ZHX2: variants seen among roughly 807,000 people sequenced by gnomAD.
ZHX2 encodes the protein zinc fingers and homeoboxes protein 2.
ZHX2 carries 6 observed loss-of-function variants against 21.9 expected under a neutral mutation model. The ratio of observed to expected loss-of-function variants is 0.27; its 90% CI spans 0.15 to 0.54. The LOEUF is 0.54. Ranked by LOEUF, ZHX2 falls within the 20% of genes least tolerant of loss-of-function variation. ZHX2 has a pLI of 0.95. For missense variants in ZHX2, 908 were observed against 1,090.7 expected (o/e 0.83, Z 2.36); for synonymous variants, 434 against 437.1 (o/e 0.99, Z 0.09).
At chr8:122,904,902 A>G (rs1820310645) in intron 2 of ZHX2, among the ~76,000 whole-genome samples, 1 of 152,242 alleles carries the variant, frequency 6.6e-6, no homozygotes, top group Admixed American at 6.5e-5. Flanking sequence ...ATAAGCAAAT[A>G]TAAACATGCT....
chr8:122,968,359 G>A (rs1017656495), intron 3 of ZHX2, among the ~76,000 whole-genome samples: 3 of 152,108 alleles, frequency 2.0e-5, no homozygotes, highest in Non-Finnish European at 2.9e-5. Flanking sequence ...GAGCTTTGGC[G>A]GGATGTGGCC....
rs543468232 is a variant in ZHX2, at chr8:122,818,460, G to T, written c.-283+36514G>T. Among the ~76,000 whole-genome samples, 6 of 152,156 alleles carry T rather than the reference G, an allele frequency of 3.9e-5. No homozygotes were observed. In the South Asian group the frequency reaches 1.2e-3, roughly 32 times the overall value. On this transcript the variant is annotated intron_variant, in intron 1 of 3. Transcript: ENST00000314393. ...GTCACCTCCCTTTGCTGCCATTTGA[G>T]AGCTGATCGATGCTGGACCCGCTCC...
chr8:122,786,302 C>T (rs372427964), intron 1 of ZHX2, among the ~76,000 whole-genome samples: 1 of 152,174 alleles, frequency 6.6e-6, no homozygotes. Context: ...TTGGCCATGA[C>T]CTTCACCATT....
intron 2 of ZHX2, among the ~76,000 whole-genome samples, chr8:122,913,165 G>A (rs1043561824): frequency 2.6e-5 from 4 of 152,146 alleles, no homozygotes; most frequent in African/African-American, 9.7e-5. Context: ...TAGCGTAGTG[G>A]TTTTAAGGTT....
intron 1 of ZHX2, among the ~76,000 whole-genome samples, chr8:122,792,502 T>C (rs1817535730): frequency 6.6e-6 from 1 of 152,230 alleles, no homozygotes; most frequent in Non-Finnish European, 1.5e-5. Flanking sequence ...GTGGAATTGC[T>C]GGGTTGTATA....
intron 2 of ZHX2, among the ~76,000 whole-genome samples, chr8:122,875,129 T>TTATATATA (rs71310631): frequency 9.8e-5 from 1 of 10,244 alleles, no homozygotes; most frequent in Non-Finnish European, 1.9e-4. Context: ...GAAAACTCTG[T>TTATATATA]TATATATATA....
At chr8:122,826,692 G>T (rs997554154) in intron 1 of ZHX2, among the ~76,000 whole-genome samples, 1 of 152,164 alleles carries the variant, frequency 6.6e-6, no homozygotes, top group Non-Finnish European at 1.5e-5. Flanking sequence ...AGGTCTGTGT[G>T]TAAGGGGCGA....
At chr8:122,834,749 G>T (rs1440399476) in intron 1 of ZHX2, among the ~76,000 whole-genome samples, 2 of 152,164 alleles carry the variant, frequency 1.3e-5, no homozygotes, top group Non-Finnish European at 1.5e-5. Context: ...GTCTAGGTTG[G>T]TATATTTTTT....
intron 2 of ZHX2, among the ~76,000 whole-genome samples, chr8:122,926,367 C>T (rs959212243): frequency 1.1e-4 from 16 of 152,212 alleles, no homozygotes; most frequent in African/African-American, 3.9e-4. Flanking sequence ...TGTGTGGTTC[C>T]TTAATTAAAG....
chr8:122,911,449 C>T (rs1345698474), intron 2 of ZHX2, among the ~76,000 whole-genome samples: 3 of 152,130 alleles, frequency 2.0e-5, no homozygotes, highest in Non-Finnish European at 4.4e-5. Context: ...CTACTTTCCA[C>T]CTGGGGCCGG....
chr8:122,952,981 C>A lies in ZHX2; in HGVS notation c.1471C>A (p.Arg491=), dbSNP rs759467471. 25 of 1,613,876 alleles carry A rather than the reference C, an allele frequency of 1.5e-5. No homozygotes were observed. The African/African-American group carries it at 2.8e-4, about 18-fold the overall frequency. Residue 491 remains arginine (R), a synonymous_variant, in exon 3 of 4, where the codon CGA becomes AGA. Coordinates refer to ENST00000314393, the MANE Select transcript of ZHX2 (RefSeq NM_014943.5). The surrounding 1 kb of genome is among the most constrained non-coding windows in gnomAD (Gnocchi z 6.9). The stretch of plus-strand genomic sequence containing the variant: ...GATCAAGAAGTGGTTCAGTGACCAC[C>A]GATATCGGTGTCAAAGGGGCATCGT... ...SEIKKWFSDH[R]YRCQRGIVHI...
intron 2 of ZHX2, among the ~76,000 whole-genome samples, chr8:122,945,436 C>CAAAAAAAAAAAAAAAAAAAAA (rs60890533): frequency 5.4e-5 from 4 of 73,672 alleles, no homozygotes; most frequent in Admixed American, 1.5e-4. Flanking sequence ...CCTGTCTCTG[C>CAAAAAAAAAAAAAAAAAAAAA]AAAAAAAAAA....
intron 1 of ZHX2, among the ~76,000 whole-genome samples, chr8:122,847,678 T>C (rs1306339498): frequency 6.6e-6 from 1 of 152,188 alleles, no homozygotes; most frequent in East Asian, 1.9e-4. Context: ...ATGATGACTG[T>C]CCCCTTGGGG....
intron 1 of ZHX2, among the ~76,000 whole-genome samples, chr8:122,861,673 G>A (rs1335527647): frequency 2.0e-5 from 3 of 152,134 alleles, no homozygotes; most frequent in Non-Finnish European, 2.9e-5. Context: ...CTCTGGGCTT[G>A]GAGTCAGAGG....
chr8:122,930,816 C>T (rs540731227), intron 2 of ZHX2, among the ~76,000 whole-genome samples: 17 of 151,928 alleles, frequency 1.1e-4, no homozygotes, highest in East Asian at 5.8e-4. Context: ...AGATGGAGGA[C>T]GGGGGTGCTG....
At chr8:122,815,128 G>C (rs906902896) in intron 1 of ZHX2, among the ~76,000 whole-genome samples, 1 of 152,180 alleles carries the variant, frequency 6.6e-6, no homozygotes, top group Non-Finnish European at 1.5e-5. Flanking sequence ...ATTTGTTGCT[G>C]TTTCAGACCT....
At chr8:122,972,616 TATATCCTACCACGTTTGG>T (rs1160291481) in intron 3 of ZHX2, among the ~76,000 whole-genome samples, 1 of 152,218 alleles carries the variant, frequency 6.6e-6, no homozygotes, top group Non-Finnish European at 1.5e-5. Flanking sequence ...ATCACTCTTC[TATATCCTACCACGTTTGG>T]AAAAGGCTCC....
chr8:122,814,851 T>A (rs1019651060), intron 1 of ZHX2, among the ~76,000 whole-genome samples: 2 of 151,430 alleles, frequency 1.3e-5, no homozygotes, highest in East Asian at 3.9e-4. Flanking sequence ...GTCCCTGGCA[T>A]CGGTTTGTTT....
At position 122,790,853 on chromosome 8, in the gene ZHX2, C is replaced by G. The variant is rs1373464790; in HGVS notation, c.-283+8907C>G. Among the ~76,000 whole-genome samples the G allele has an allele frequency of 2.0e-5, 3 of 152,332 alleles. 1 individual carries two copies. Among genetic ancestry groups the G allele is most frequent in the Admixed American group, 1.3e-4 (2 of 15,306 alleles). On this transcript the variant is annotated intron_variant, in intron 1 of 3. Coordinates refer to ENST00000314393, the MANE Select transcript of ZHX2 (RefSeq NM_014943.5). ...GAGCTCCTGACCTCAAGCGATCCTC[C>G]CATCTCAGCCTCACAAAGTGCTGGG...
Sources: gnomAD v4.1 joint callset for allele counts (sites outside exome capture counted in the v4.1 genomes callset) on GRCh38, gnomAD v4.1.1 for gene constraint, Gnocchi (gnomAD v3.1) non-coding constraint, MANE v1.5 for transcripts, NCBI Gene and HGNC (gene_info 2026-07-23, HGNC 2026-07-21) for gene names.